The following GRIK2 variants were observed in gnomAD, a reference collection of about 807,000 sequenced individuals.
GRIK2 encodes the protein glutamate ionotropic receptor kainate type subunit 2, also known as glutamate receptor ionotropic, kainate 2.
In GRIK2, 32 loss-of-function variants were observed where a neutral mutation model predicts 100.3. That is an observed-to-expected ratio of 0.32 (90% CI 0.24 to 0.43). The LOEUF is 0.43. Ranked by LOEUF, GRIK2 falls within the 20% of genes least tolerant of loss-of-function variation. The probability of loss-of-function intolerance (pLI) is 1.00; values close to 1 mark genes in which losing one functional copy is unlikely to be tolerated. For missense variants in GRIK2, 843 were observed against 1,114.9 expected, an observed-to-expected ratio of 0.76 and a Z score of 3.47; for synonymous variants, 417 against 389.4, an observed-to-expected ratio of 1.07 and a Z score of -0.83.
At chr6:101,854,192 T>C (rs775561358) in intron 10 of GRIK2, among the ~76,000 whole-genome samples, 1 of 152,114 alleles carries the variant, frequency 6.6e-6, no homozygotes, top group African/African-American at 2.4e-5. Context: ...GGTAGGGAGA[T>C]ATGTGAAATG....
intron 7 of GRIK2, among the ~76,000 whole-genome samples, chr6:101,776,199 T>G (rs1778735928): frequency 6.6e-6 from 1 of 152,168 alleles, no homozygotes; most frequent in South Asian, 2.1e-4. Flanking sequence ...GAAAAGACCA[T>G]AATATAAATA....
intron 14 of GRIK2, among the ~76,000 whole-genome samples, chr6:101,989,191 T>A (rs2128491730): frequency 6.6e-6 from 1 of 152,132 alleles, no homozygotes; most frequent in South Asian, 2.1e-4. Flanking sequence ...TATTTACTTG[T>A]AATAAGGCAT....
At chr6:102,027,283 C>T (rs1195536625) in intron 14 of GRIK2, among the ~76,000 whole-genome samples, 1 of 151,156 alleles carries the variant, frequency 6.6e-6, no homozygotes, top group African/African-American at 2.4e-5. Flanking sequence ...AATTAGTTTG[C>T]TTTTAGCAAT....
chr6:101,828,521 T>C (rs939261339), intron 10 of GRIK2, among the ~76,000 whole-genome samples: 6 of 151,964 alleles, frequency 3.9e-5, no homozygotes, highest in Admixed American at 3.9e-4. Flanking sequence ...GATATACTGC[T>C]AGCTAGATTA....
intron 4 of GRIK2, among the ~76,000 whole-genome samples, chr6:101,654,134 T>C (rs944453154): frequency 6.6e-6 from 1 of 152,126 alleles, no homozygotes; most frequent in Non-Finnish European, 1.5e-5. Flanking sequence ...AAACATCTAA[T>C]GTCAAAAGTT....
At chr6:101,647,772 G>A (rs1486538301) in intron 4 of GRIK2, among the ~76,000 whole-genome samples, 1 of 152,012 alleles carries the variant, frequency 6.6e-6, no homozygotes, top group Admixed American at 6.6e-5. Context: ...ATTAGAAAAT[G>A]TACCTAAATG....
At chr6:102,042,175 A>T (rs551915155) in intron 15 of GRIK2, among the ~76,000 whole-genome samples, 1 of 151,802 alleles carries the variant, frequency 6.6e-6, no homozygotes, top group East Asian at 1.9e-4. Context: ...CTCAAAATGT[A>T]TTAGGAGAAG....
intron 5 of GRIK2, 43 bp downstream of exon 5, chr6:101,676,847 TG>T: frequency 8.8e-7 from 1 of 1,141,984 alleles, no homozygotes; most frequent in Non-Finnish European, 1.3e-6. Context: ...TTCATAAACT[TG>T]CACTTACAAT....
chr6:101,449,648 A>T (rs1770559828), intron 2 of GRIK2, among the ~76,000 whole-genome samples: 1 of 151,690 alleles, frequency 6.6e-6, no homozygotes, highest in South Asian at 2.1e-4. Context: ...GGAATTTAGC[A>T]AATTCTGTTG....
intron 2 of GRIK2, among the ~76,000 whole-genome samples, chr6:101,561,845 T>G (rs997026174): frequency 2.0e-5 from 3 of 152,152 alleles, no homozygotes; most frequent in African/African-American, 4.8e-5. Flanking sequence ...TTTTGGGTCA[T>G]GTAGTTTCCA....
intron 14 of GRIK2, among the ~76,000 whole-genome samples, chr6:101,992,508 C>A (rs1268285147): frequency 6.6e-6 from 1 of 151,612 alleles, no homozygotes; most frequent in African/African-American, 2.4e-5. Context: ...CTTAATGCAG[C>A]TCCACTTTGG....
intron 2 of GRIK2, among the ~76,000 whole-genome samples, chr6:101,457,158 C>G (rs191506009): frequency 2.6e-5 from 4 of 152,228 alleles, no homozygotes; most frequent in Admixed American, 2.0e-4. Flanking sequence ...TGTCAGTAAT[C>G]AAGCCATTGC....
intron 7 of GRIK2, among the ~76,000 whole-genome samples, chr6:101,713,454 T>C (rs1773854923): frequency 6.6e-6 from 1 of 151,668 alleles, no homozygotes; most frequent in Admixed American, 6.6e-5. Flanking sequence ...TCTGTTTCAT[T>C]AAAAAAATGG....
chr6:101,459,780 CTT>C (rs111457676), intron 2 of GRIK2, among the ~76,000 whole-genome samples: 5 of 143,698 alleles, frequency 3.5e-5, no homozygotes, highest in Admixed American at 7.0e-5. Flanking sequence ...ACATCTCTTG[CTT>C]TTTTTTTTTT....
chr6:101,744,522 G>GTATATATATATATA (rs1562351557), intron 7 of GRIK2: 1 of 50,340 alleles, frequency 2.0e-5, no homozygotes, highest in Non-Finnish European at 4.0e-5. Context: ...GTGCGTGCGC[G>GTATATATATATATA]CATATATATA....
intron 14 of GRIK2, among the ~76,000 whole-genome samples, chr6:102,034,871 GT>G (rs1220884433): frequency 6.6e-6 from 1 of 151,224 alleles, no homozygotes; most frequent in Non-Finnish European, 1.5e-5. Context: ...TAGCATCTGT[GT>G]TACGTTAACC....
chr6:101,692,039 C>CAA (rs60210939), intron 7 of GRIK2, among the ~76,000 whole-genome samples: 23 of 78,374 alleles, frequency 2.9e-4, no homozygotes, highest in African/African-American at 9.2e-4. Context: ...CACCCCGTCT[C>CAA]AAAAAAAAAA....
At chr6:102,044,381 T>C (rs1591387) in intron 15 of GRIK2, among the ~76,000 whole-genome samples, 7,032 of 152,114 alleles carry the variant, frequency 0.046, 228 homozygotes, top group East Asian at 0.091. Flanking sequence ...ATTAGTCTGT[T>C]TTCATGCTGC....
intron 7 of GRIK2, among the ~76,000 whole-genome samples, chr6:101,786,531 T>C (rs1440185820): frequency 6.6e-6 from 1 of 152,172 alleles, no homozygotes; most frequent in African/African-American, 2.4e-5. Context: ...CAAATGTTTT[T>C]CTGTGTCTGT....
Sources: gnomAD v4.1 joint callset for allele counts (sites outside exome capture counted in the v4.1 genomes callset) on GRCh38, gnomAD v4.1.1 for gene constraint, MANE v1.5 for transcripts, NCBI Gene and HGNC (gene_info 2026-07-23, HGNC 2026-07-21) for gene names.